KCNK2: variants seen among roughly 807,000 people sequenced by gnomAD.
KCNK2 encodes potassium channel subfamily K member 2.
In KCNK2, 21 loss-of-function variants were observed where a neutral mutation model predicts 40.5. The observed-to-expected ratio is 0.52, with a 90% confidence interval of 0.37 to 0.75. The LOEUF (loss-of-function observed/expected upper bound fraction) is 0.75. KCNK2 is among the 30% of genes least tolerant of loss of function. The probability of loss-of-function intolerance (pLI) is 0.00; values close to 1 mark genes in which losing one functional copy is unlikely to be tolerated. For synonymous variants in KCNK2, 191 were observed against 202.2 expected (o/e 0.94, Z 0.47); for missense variants, 399 against 531.6 (o/e 0.75, Z 2.45).
chr1:215,023,583 G>T (rs1216415067), intron 1 of KCNK2, among the ~76,000 whole-genome samples: 1 of 152,206 alleles, frequency 6.6e-6, no homozygotes, highest in Non-Finnish European at 1.5e-5. Context: ...GCCCGACCAT[G>T]TTATAAACTG....
At chr1:215,129,763 T>C (rs1406112106) in intron 3 of KCNK2, among the ~76,000 whole-genome samples, 2 of 152,118 alleles carry the variant, frequency 1.3e-5, no homozygotes, top group South Asian at 2.1e-4. Flanking sequence ...TAGGACTCTA[T>C]AGGTCCTGGT....
rs1160868753 is a variant in KCNK2, at chr1:215,230,478, T to TAC, written c.964-4327_964-4326dup. Among the ~76,000 whole-genome samples, 351 of 85,062 alleles carry TAC rather than the reference T, an allele frequency of 4.1e-3. 3 individuals are homozygous for TAC. Among genetic ancestry groups the TAC allele is most frequent in the African/African-American group, 0.012 (198 of 16,708 alleles). 55.8% of individuals were successfully genotyped at this position (85,062 alleles called of 152,430 possible). A position where few individuals can be genotyped will look rare whatever the true frequency, so the allele number is the denominator to read the frequency against. On this transcript the variant is annotated intron_variant, in intron 6 of 6. Transcript: ENST00000444842. ...TAGCTCATGGCTGTAGATATATATA[T>TAC]ACACACACACACACACACACACACG...
At chr1:215,230,667 A>G (rs1248218180) in intron 6 of KCNK2, among the ~76,000 whole-genome samples, 2 of 144,226 alleles carry the variant, frequency 1.4e-5, no homozygotes, top group Non-Finnish European at 3.0e-5. Flanking sequence ...CCTATTTTAT[A>G]GATAAGGAAT....
intron 1 of KCNK2, among the ~76,000 whole-genome samples, chr1:215,076,594 A>C (rs1658935434): frequency 6.6e-6 from 1 of 152,152 alleles, no homozygotes; most frequent in Admixed American, 6.5e-5. Context: ...AAAGAGAATC[A>C]AGAGAGAGCT....
intron 6 of KCNK2, among the ~76,000 whole-genome samples, chr1:215,220,130 G>T (rs1008345961): frequency 6.6e-6 from 1 of 152,126 alleles, no homozygotes. Context: ...TCATGCATAT[G>T]CATATTTCCA....
chr1:215,014,483 T>C (rs1656515655), intron 1 of KCNK2, among the ~76,000 whole-genome samples: 1 of 151,834 alleles, frequency 6.6e-6, no homozygotes, highest in Admixed American at 6.6e-5. Flanking sequence ...TGTAGTGTTA[T>C]ATTTAAATTA....
Position 215,172,087 on chromosome 1 carries a change from A to G in KCNK2, c.727A>G (p.Ile243Val). 1 of 1,613,544 alleles carries G rather than the reference A, an allele frequency of 6.2e-7. No individual in the cohort carries two copies. ...GCVLFVALPA[I>V]IFKHIEGWSA... ...TGTACTCTTTGTGGCTCTGCCTGCG[A>G]TCATATTCAAACACATAGAAGGCTG... is the stretch of plus-strand genomic sequence containing the variant. The change falls in exon 5 of 7, where the codon ATC becomes GTC. Residue 243 changes from isoleucine (I) to valine (V), a missense_variant. Physicochemically the swap from Ile to Val is conservative, Grantham distance 29. This residue lies in a region of KCNK2 where 279 missense variants were observed against 353.8 expected (regional missense o/e 0.79). Transcript: ENST00000444842.
chr1:215,102,371 T>G (rs1444156609), intron 2 of KCNK2, among the ~76,000 whole-genome samples: 1 of 151,992 alleles, frequency 6.6e-6, no homozygotes, highest in Non-Finnish European at 1.5e-5. Context: ...ATAAAAAAGC[T>G]TATAGAATAA....
chr1:215,161,126 C>T (rs927918517), intron 3 of KCNK2, among the ~76,000 whole-genome samples: 1 of 152,146 alleles, frequency 6.6e-6, no homozygotes, highest in Non-Finnish European at 1.5e-5. Context: ...TAGGATCCAT[C>T]TAAAAGTCTT....
At chr1:215,092,824 C>T (rs1254076829) in intron 2 of KCNK2, among the ~76,000 whole-genome samples, 1 of 152,142 alleles carries the variant, frequency 6.6e-6, no homozygotes, top group Non-Finnish European at 1.5e-5. Flanking sequence ...CAAGCTGGTA[C>T]CCACCTCCCT....
chr1:215,027,021 A>T (rs572996841), intron 1 of KCNK2, among the ~76,000 whole-genome samples: 1 of 151,840 alleles, frequency 6.6e-6, no homozygotes, highest in South Asian at 2.1e-4. Flanking sequence ...TTTTCAAGGC[A>T]TTTTTTTTCT....
At chr1:215,094,354 C>T (rs1173352235) in intron 2 of KCNK2, among the ~76,000 whole-genome samples, 1 of 152,044 alleles carries the variant, frequency 6.6e-6, no homozygotes, top group African/African-American at 2.4e-5. Context: ...AAAGCAGTGT[C>T]ATTTGTAACC....
At chr1:215,203,987 G>A (rs1235024528) in intron 6 of KCNK2, among the ~76,000 whole-genome samples, 12 of 119,378 alleles carry the variant, frequency 1.0e-4, no homozygotes, top group African/African-American at 3.7e-4. Flanking sequence ...GCAGTGAGCC[G>A]AGATCGCGCC....
chr1:215,190,807 A>T (rs1281988598), intron 5 of KCNK2, among the ~76,000 whole-genome samples: 2 of 152,082 alleles, frequency 1.3e-5, no homozygotes, highest in East Asian at 3.9e-4. Flanking sequence ...ACTCCCCTCA[A>T]CACCTACCCA....
At chr1:215,208,960 T>A (rs1022132134) in intron 6 of KCNK2, among the ~76,000 whole-genome samples, 1 of 151,740 alleles carries the variant, frequency 6.6e-6, no homozygotes, top group Non-Finnish European at 1.5e-5. Context: ...GCATAGTAGC[T>A]GGGATTACAG....
intron 1 of KCNK2, among the ~76,000 whole-genome samples, chr1:215,039,156 A>G (rs894383192): frequency 1.3e-5 from 2 of 152,096 alleles, no homozygotes; most frequent in African/African-American, 4.8e-5. Context: ...TCAAATTTGG[A>G]GTCAATTTGT....
chr1:215,067,383 T>C (rs899560485), intron 1 of KCNK2, among the ~76,000 whole-genome samples: 3 of 152,090 alleles, frequency 2.0e-5, no homozygotes, highest in Admixed American at 2.0e-4. Flanking sequence ...CATTAGACAT[T>C]GAGAACACAA....
At chr1:215,091,329 T>C (rs1273507829) in intron 2 of KCNK2, among the ~76,000 whole-genome samples, 1 of 152,116 alleles carries the variant, frequency 6.6e-6, no homozygotes, top group Non-Finnish European at 1.5e-5. Flanking sequence ...TGGAGCATTG[T>C]TCCATACCAG....
At chr1:215,025,643 C>T (rs973383708) in intron 1 of KCNK2, among the ~76,000 whole-genome samples, 5 of 151,978 alleles carry the variant, frequency 3.3e-5, no homozygotes, top group African/African-American at 1.2e-4. Context: ...CAGAAATAAA[C>T]CATATTGTAC....
Sources: gnomAD v4.1 joint callset for allele counts (sites outside exome capture counted in the v4.1 genomes callset) on GRCh38, gnomAD v4.1.1 for gene constraint, gnomAD v4.1.1 regional missense constraint, MANE v1.5 for transcripts, NCBI Gene and HGNC (gene_info 2026-07-23, HGNC 2026-07-21) for gene names.